USP25: variants seen among roughly 807,000 people sequenced by gnomAD.
The protein encoded by USP25 is ubiquitin specific peptidase 25.
In USP25, 85 loss-of-function variants were observed where a neutral mutation model predicts 158.5. The observed-to-expected ratio is 0.54, with a 90% CI of 0.45 to 0.64. USP25 has a LOEUF of 0.64. Ranked by LOEUF, USP25 falls within the 30% of genes least tolerant of loss-of-function variation. The probability of loss-of-function intolerance (pLI) is 0.00; values close to 1 mark genes in which losing one functional copy is unlikely to be tolerated. For missense variants in USP25, 1,242 were observed against 1,327.3 expected (o/e 0.94, Z 1.00); for synonymous variants, 464 against 460.4 (o/e 1.01, Z -0.10).
In USP25 at chr21:15,816,965, C is replaced by G. The variant is rs551535224; in HGVS notation, c.932-1733C>G. On this transcript the variant is annotated intron_variant, in intron 9 of 25. Coordinates refer to ENST00000400183, the MANE Select transcript of USP25 (RefSeq NM_001283041.3). The surrounding 1 kb of genome is among the most constrained non-coding windows in gnomAD (Gnocchi z 4.0). ...TGGCCAACATGGTGAAACCCCACCTCTACTGAAAATACAAAAATTAGTCGG... is the reference window on the plus strand; with the variant it reads ...TGGCCAACATGGTGAAACCCCACCTGTACTGAAAATACAAAAATTAGTCGG... Among the ~76,000 whole-genome samples, 1 of 151,984 alleles carries G rather than the reference C, an allele frequency of 6.6e-6. No homozygotes were observed. The highest frequency in any genetic ancestry group is 2.1e-4 in the South Asian group (1 of 4,798).
At chr21:15,825,778 T>C (rs2037471831) in intron 12 of USP25, among the ~76,000 whole-genome samples, 1 of 152,230 alleles carries the variant, frequency 6.6e-6, no homozygotes, top group Non-Finnish European at 1.5e-5. Flanking sequence ...TATATTGTAT[T>C]TTAATGATTT....
chr21:15,741,302 T>C (rs201486290), intron 1 of USP25, among the ~76,000 whole-genome samples: 1 of 150,674 alleles, frequency 6.6e-6, no homozygotes, highest in African/African-American at 2.4e-5. Context: ...TTTTTTTTTT[T>C]CCAGTTTTTT....
Position 15,777,217 on chromosome 21 carries a change from A to G in USP25, c.269-687A>G, listed in dbSNP as rs530764054. 7.2e-5 allele frequency among the ~76,000 whole-genome samples: 11 copies of G among 152,294 alleles called. No homozygotes were observed. The East Asian group carries it at 1.9e-3, about 27-fold the overall frequency. Reference sequence around the variant, plus strand: ...GAGGGCTTGTTTCATTCACTTGTATATTTCATTTTTGTGAAATGAGAATCT... The same window carrying G: ...GAGGGCTTGTTTCATTCACTTGTATGTTTCATTTTTGTGAAATGAGAATCT... On this transcript the variant is annotated intron_variant, in intron 3 of 25. Transcript: ENST00000400183.
intron 1 of USP25, among the ~76,000 whole-genome samples, chr21:15,762,490 A>AT (rs2033789874): frequency 6.6e-6 from 1 of 152,126 alleles, no homozygotes; most frequent in South Asian, 2.1e-4. Flanking sequence ...TGGTATAATT[A>AT]CCCACCGAGT....
chr21:15,805,039 C>G, intron 6 of USP25, 82 bp from the exon 7 acceptor site: 1 of 1,389,742 alleles, frequency 7.2e-7, no homozygotes, highest in East Asian at 2.6e-5. Flanking sequence ...TTTTTGGTTA[C>G]TGTTAAAATG....
intron 16 of USP25, among the ~76,000 whole-genome samples, 188 bp downstream of exon 16, chr21:15,831,817 C>T (rs1280374705): frequency 1.3e-5 from 2 of 152,092 alleles, no homozygotes; most frequent in Non-Finnish European, 2.9e-5. Context: ...ATTTTGTATT[C>T]CAAGTCAACT....
At chr21:15,854,453 T>C (rs949431512) in intron 20 of USP25, among the ~76,000 whole-genome samples, 1 of 150,450 alleles carries the variant, frequency 6.6e-6, no homozygotes, top group Non-Finnish European at 1.5e-5. Flanking sequence ...CGTGTTTTTG[T>C]TTTTTTTTAA....
rs773885076 is a variant in USP25 at position 15,811,226 on chromosome 21, T to C, written c.931+16T>C. 6.3e-7 allele frequency: 1 copy of C among 1,591,642 alleles called. No individual in the cohort carries two copies. Among genetic ancestry groups the C allele is most frequent in the African/African-American group, 1.4e-5 (1 of 73,848 alleles). ...GTACTTGAAGGTAGAGTTATACATT[T>C]ACTTTTTATTGCAAGTGAAGAGAGA... is the stretch of plus-strand genomic sequence containing the variant. On this transcript the variant is annotated intron_variant, in intron 9 of 25. Transcript: ENST00000400183.
At chr21:15,834,635 CTG>C (rs1368102671) in intron 17 of USP25, among the ~76,000 whole-genome samples, 1 of 152,166 alleles carries the variant, frequency 6.6e-6, no homozygotes, top group East Asian at 1.9e-4. Flanking sequence ...AGTATTGTGA[CTG>C]TCGCAGGCAT....
intron 3 of USP25, among the ~76,000 whole-genome samples, chr21:15,768,421 T>G (rs2034162633): frequency 6.6e-6 from 1 of 152,102 alleles, no homozygotes; most frequent in Non-Finnish European, 1.5e-5. Context: ...AGTGTCATAA[T>G]GCAGTGTTAC....
At chr21:15,803,651 C>G (rs2036237684) in intron 6 of USP25, among the ~76,000 whole-genome samples, 1 of 151,800 alleles carries the variant, frequency 6.6e-6, no homozygotes, top group African/African-American at 2.4e-5. Context: ...ATTATTACTT[C>G]CAATTTTGTT....
At position 15,827,121 on chromosome 21, in the gene USP25, A is replaced by G; in HGVS notation, c.1611A>G (p.Pro537=). 3.1e-6 allele frequency: 5 copies of G among 1,614,192 alleles called. No individual in the cohort carries two copies. Among genetic ancestry groups the G allele is most frequent in the Non-Finnish European group, 4.2e-6 (5 of 1,180,018 alleles). The change falls in exon 14 of 26, where the codon CCA becomes CCG. Residue 537 remains proline (P), a synonymous_variant. Coordinates refer to ENST00000400183, the MANE Select transcript of USP25 (RefSeq NM_001283041.3). ...IPPDLPMHPA[P]RHITEEELSV... is the part of the protein sequence containing the mutation. ...CAGATTTGCCCATGCATCCGGCACC[A>G]AGGCACATAACGGAGGAAGAACTTT... is the stretch of plus-strand genomic sequence containing the variant.
intron 5 of USP25, among the ~76,000 whole-genome samples, chr21:15,796,405 G>A (rs1044958579): frequency 1.3e-5 from 2 of 151,418 alleles, no homozygotes; most frequent in Admixed American, 1.3e-4. Context: ...TACTAAAGCA[G>A]TGAGGAATTT....
intron 18 of USP25, among the ~76,000 whole-genome samples, chr21:15,846,747 T>G (rs971135973): frequency 6.6e-6 from 1 of 152,190 alleles, no homozygotes; most frequent in South Asian, 2.1e-4. Flanking sequence ...TTGGCTTTTT[T>G]AATAGGTAAA....
Position 15,825,045 on chromosome 21 carries a change from C to A in USP25, c.1288C>A (p.Gln430Lys). 6.2e-7 allele frequency: 1 copy of A among 1,607,152 alleles called. No individual in the cohort carries two copies. Among genetic ancestry groups the A allele is most frequent in the South Asian group, 1.1e-5 (1 of 90,182 alleles). The change falls in exon 12 of 26, where the codon CAA becomes AAA. Residue 430 changes from glutamine to lysine, a missense_variant. Physicochemically the swap from Gln to Lys is moderately conservative, Grantham distance 53 (BLOSUM62 1). Around this residue, in one of 3 missense-constraint regions of USP25, gnomAD observed 627 missense variants for 701.4 expected, o/e 0.89. Transcript: ENST00000400183. ...ACTGAAAGATTACCTCACGGTATTACAACAAAGGCTAGAAAGGTATTTTAA... is the reference window on the plus strand; with the variant it reads ...ACTGAAAGATTACCTCACGGTATTAAAACAAAGGCTAGAAAGGTATTTTAA... ...KRLKDYLTVL[Q>K]QRLERYLSYG...
intron 1 of USP25, among the ~76,000 whole-genome samples, chr21:15,750,215 T>TGTA (rs1491098028): frequency 0.15 from 1,307 of 8,554 alleles, 10 homozygotes; most frequent in African/African-American, 0.17. Flanking sequence ...TGTGTGTATG[T>TGTA]TTTTTTTTTT....
chr21:15,798,031 C>T (rs1206621417), intron 5 of USP25, among the ~76,000 whole-genome samples: 8 of 151,162 alleles, frequency 5.3e-5, no homozygotes, highest in Admixed American at 1.3e-4. Context: ...TTCCGGTATT[C>T]AGAGGAGATT....
At chr21:15,877,243 G>GT (rs1335256331) in intron 24 of USP25, 2 of 152,268 alleles carry the variant, frequency 1.3e-5, no homozygotes, top group African/African-American at 2.4e-5. Context: ...CTCCATGAGA[G>GT]TTTTCTGTAT....
intron 4 of USP25, among the ~76,000 whole-genome samples, chr21:15,780,090 A>G (rs1168252949): frequency 6.6e-6 from 1 of 152,180 alleles, no homozygotes; most frequent in Non-Finnish European, 1.5e-5. Context: ...ACATTTATAT[A>G]TTATGCTTAA....
Sources: allele counts gnomAD v4.1 joint callset (sites outside exome capture counted in the v4.1 genomes callset), GRCh38; gene constraint gnomAD v4.1.1; regional missense constraint gnomAD v4.1.1; non-coding constraint Gnocchi (gnomAD v3.1); transcripts MANE v1.5; gene names NCBI Gene and HGNC (gene_info 2026-07-23, HGNC 2026-07-21).